Variants in FOXP2 observed in about 807,000 individuals in gnomAD.
The protein encoded by FOXP2 is forkhead box P2, also known as forkhead box protein P2.
FOXP2 carries 12 observed loss-of-function variants against 115.8 expected under a neutral mutation model. The observed-to-expected ratio is 0.10, with a 90% CI of 0.07 to 0.17. The LOEUF is 0.17. Ranked by LOEUF, FOXP2 falls within the 10% of genes least tolerant of loss-of-function variation. The pLI, the probability that FOXP2 is intolerant of heterozygous loss-of-function variation, is 1.00. For missense variants in FOXP2, 629 were observed against 843.5 expected, an observed-to-expected ratio of 0.75 and a Z score of 3.15; for synonymous variants, 328 against 297.7, an observed-to-expected ratio of 1.10 and a Z score of -1.05.
chr7:114,280,255 T>TA (rs1421513646), intron 1 of FOXP2, among the ~76,000 whole-genome samples: 1 of 152,086 alleles, frequency 6.6e-6, no homozygotes, highest in African/African-American at 2.4e-5. Flanking sequence ...GTGTTTAACT[T>TA]ACTGCTTATG....
intron 3 of FOXP2, among the ~76,000 whole-genome samples, chr7:114,606,262 T>C (rs1249271651): frequency 6.6e-6 from 1 of 152,214 alleles, no homozygotes; most frequent in Non-Finnish European, 1.5e-5. Context: ...TTCAGGGATG[T>C]GTAGTTATTT....
At chr7:114,104,524 T>C (rs1332380960) in intron 1 of FOXP2, among the ~76,000 whole-genome samples, 2 of 151,920 alleles carry the variant, frequency 1.3e-5, no homozygotes, top group African/African-American at 4.8e-5. Flanking sequence ...TTAAGAAAAA[T>C]GTAATTGAAA....
intron 2 of FOXP2, among the ~76,000 whole-genome samples, chr7:114,302,283 T>A (rs1796896380): frequency 6.6e-6 from 1 of 152,170 alleles, no homozygotes; most frequent in South Asian, 2.1e-4. Context: ...CATATACACC[T>A]TTATAGTCAC....
intron 1 of FOXP2, among the ~76,000 whole-genome samples, chr7:114,093,370 T>G (rs1799580101): frequency 1.3e-5 from 2 of 152,178 alleles, no homozygotes; most frequent in African/African-American, 4.8e-5. Context: ...TTACCATATT[T>G]TATTTTTCTT....
chr7:114,415,017 C>T lies in FOXP2; in HGVS notation c.-354C>T, dbSNP rs950751033. ...TCAGTCTTGAACCTTTGTCACCCCT[C>T]ACGTTGCACACCAAAGACATACCCT... On this transcript the variant is annotated 5_prime_UTR_variant, in exon 1 of 17. Coordinates refer to ENST00000350908, the MANE Select transcript of FOXP2 (RefSeq NM_014491.4). 3 of 450,186 alleles carry T rather than the reference C, an allele frequency of 6.7e-6. No individual in the cohort carries two copies. Among genetic ancestry groups the T allele is most frequent in the Non-Finnish European group, 1.3e-5 (3 of 224,372 alleles). The allele number at this position is 450,186 out of a possible 1,614,324, so 27.9% of individuals were successfully genotyped here.
intron 1 of FOXP2, among the ~76,000 whole-genome samples, chr7:114,236,049 T>G (rs570405806): frequency 6.6e-6 from 1 of 152,310 alleles, no homozygotes; most frequent in East Asian, 1.9e-4. Flanking sequence ...CCCTGATTGC[T>G]TTGAGTTATT....
intron 2 of FOXP2, among the ~76,000 whole-genome samples, chr7:114,467,725 A>G (rs1374986973): frequency 1.3e-5 from 2 of 152,206 alleles, no homozygotes; most frequent in African/African-American, 4.8e-5. Context: ...AGAAAATTAG[A>G]AAAATCAAAA....
chr7:114,462,991 C>A, intron 2 of FOXP2: 1 of 344,340 alleles, frequency 2.9e-6, no homozygotes, highest in Non-Finnish European at 5.7e-6. Flanking sequence ...ATAGTTCATC[C>A]AAGATGCAGT....
chr7:114,117,883 C>T (rs931049798), intron 1 of FOXP2, among the ~76,000 whole-genome samples: 1 of 152,118 alleles, frequency 6.6e-6, no homozygotes, highest in Admixed American at 6.6e-5. Context: ...TCATTGTATC[C>T]TCACATGGCG....
At chr7:114,274,217 T>A (rs547311575) in intron 1 of FOXP2, among the ~76,000 whole-genome samples, 31 of 152,216 alleles carry the variant, frequency 2.0e-4, no homozygotes, top group Admixed American at 9.8e-4. Flanking sequence ...AATTCACCTC[T>A]CCCATTCTTT....
chr7:114,420,761 TA>T (rs1340543256), intron 1 of FOXP2, among the ~76,000 whole-genome samples: 1 of 151,700 alleles, frequency 6.6e-6, no homozygotes, highest in Non-Finnish European at 1.5e-5. Context: ...TTTGAAAAAA[TA>T]AATATTAATG....
At chr7:114,485,854 A>G (rs1433118338) in intron 2 of FOXP2, among the ~76,000 whole-genome samples, 1 of 152,184 alleles carries the variant, frequency 6.6e-6, no homozygotes, top group Non-Finnish European at 1.5e-5. Flanking sequence ...TAAATTTTCC[A>G]AGTTGAGAAA....
intron 1 of FOXP2, among the ~76,000 whole-genome samples, chr7:114,138,262 G>A (rs1187325712): frequency 6.6e-6 from 1 of 152,072 alleles, no homozygotes; most frequent in African/African-American, 2.4e-5. Flanking sequence ...GGGAAAAAGA[G>A]TAACTTTATA....
intron 1 of FOXP2, among the ~76,000 whole-genome samples, chr7:114,168,812 G>A (rs1252015973): frequency 1.3e-5 from 2 of 152,100 alleles, no homozygotes; most frequent in Admixed American, 6.6e-5. Context: ...TAGTTTTATG[G>A]GCTGTCCTCA....
intron 1 of FOXP2, among the ~76,000 whole-genome samples, chr7:114,089,529 A>T (rs546135001): frequency 4.3e-4 from 66 of 152,170 alleles, no homozygotes; most frequent in African/African-American, 1.5e-3. Context: ...TATATAATTT[A>T]TACTCGGGTG....
intron 2 of FOXP2, among the ~76,000 whole-genome samples, chr7:114,527,735 C>T (rs1285927101): frequency 6.6e-6 from 1 of 152,110 alleles, no homozygotes. Flanking sequence ...AGTAGTGGCG[C>T]AGCTGTTCTT....
chr7:114,289,965 A>G (rs1256959587), intron 2 of FOXP2, among the ~76,000 whole-genome samples: 2 of 151,958 alleles, frequency 1.3e-5, no homozygotes, highest in African/African-American at 4.8e-5. Flanking sequence ...TTTTGGGGTC[A>G]GGTTGATAGG....
chr7:114,199,132 T>A (rs1793991062), intron 1 of FOXP2, among the ~76,000 whole-genome samples: 1 of 152,198 alleles, frequency 6.6e-6, no homozygotes, highest in Non-Finnish European at 1.5e-5. Context: ...TTCTTCTGCC[T>A]TGGCCTTCCA....
At chr7:114,453,821 G>A (rs935903476) in intron 2 of FOXP2, among the ~76,000 whole-genome samples, 4 of 151,898 alleles carry the variant, frequency 2.6e-5, no homozygotes, top group East Asian at 1.9e-4. Context: ...CCATATGTAG[G>A]AAACTGAAAC....
Sources: gnomAD v4.1 joint callset for allele counts (sites outside exome capture counted in the v4.1 genomes callset) on GRCh38, gnomAD v4.1.1 for gene constraint, MANE v1.5 for transcripts, NCBI Gene and HGNC (gene_info 2026-07-23, HGNC 2026-07-21) for gene names.